The following ADAMTS16 variants were observed in gnomAD, a reference collection of about 807,000 sequenced individuals.
ADAMTS16 encodes the protein ADAM metallopeptidase with thrombospondin type 1 motif 16.
Under a neutral mutation model 145.8 loss-of-function variants are expected in ADAMTS16, and 94 were observed. The observed-to-expected ratio is 0.64, with a 90% CI of 0.55 to 0.77. ADAMTS16 has a LOEUF of 0.77. Ranked by LOEUF, ADAMTS16 falls within the 30% of genes least tolerant of loss-of-function variation. The pLI is 0.00. For synonymous variants in ADAMTS16, 659 were observed against 604.3 expected (o/e 1.09, Z -1.33); for missense variants, 1,585 against 1,591.5 (o/e 1.00, Z 0.07).
At chr5:5,148,637 A>G (rs1734365284) in intron 3 of ADAMTS16, among the ~76,000 whole-genome samples, 1 of 152,256 alleles carries the variant, frequency 6.6e-6, no homozygotes, top group Non-Finnish European at 1.5e-5. Context: ...TGTGAAAGTG[A>G]ATCATTGAGG....
At chr5:5,215,712 ATGTGG>A (rs1331525821) in intron 10 of ADAMTS16, among the ~76,000 whole-genome samples, 32 of 109,536 alleles carry the variant, frequency 2.9e-4, no homozygotes, top group African/African-American at 1.5e-3. Context: ...ATATATATAT[ATGTGG>A]TATATATATA....
intron 12 of ADAMTS16, 44 bp from the exon 13 acceptor site, chr5:5,234,970 G>T: frequency 6.8e-7 from 1 of 1,460,140 alleles, no homozygotes; most frequent in Non-Finnish European, 9.2e-7. Flanking sequence ...GAATTTAGTA[G>T]CTACTAAAAT....
rs964196510 is a variant in ADAMTS16, at chr5:5,261,761, T to C, written c.2663-896T>C. ...GGCCGCCCAAAGTATCTCTTTTTTA[T>C]TGTGGCAAAATATATGTGAAATTTG... On this transcript the variant is annotated intron_variant, in intron 17 of 22. Coordinates refer to ENST00000274181, the MANE Select transcript of ADAMTS16 (RefSeq NM_139056.4). 8.5e-5 allele frequency among the ~76,000 whole-genome samples: 13 copies of C among 152,194 alleles called. 1 individual carries two copies. The highest frequency in any genetic ancestry group is 4.1e-4 in the South Asian group (2 of 4,832).
At chr5:5,243,825 C>CT (rs1424530923) in intron 17 of ADAMTS16, among the ~76,000 whole-genome samples, 1 of 152,152 alleles carries the variant, frequency 6.6e-6, no homozygotes, top group Non-Finnish European at 1.5e-5. Context: ...TTCTCAGCTG[C>CT]TAACAGGCTA....
intron 3 of ADAMTS16, among the ~76,000 whole-genome samples, chr5:5,159,186 A>C (rs1734679975): frequency 6.6e-6 from 1 of 152,260 alleles, no homozygotes; most frequent in Non-Finnish European, 1.5e-5. Flanking sequence ...TCAGCAGGAA[A>C]ACATGAACTC....
Position 5,213,920 on chromosome 5 carries a change from G to A in ADAMTS16, c.1605+4674G>A, listed in dbSNP as rs193050154. Among the ~76,000 whole-genome samples the A allele has an allele frequency of 3.9e-4, 60 of 152,244 alleles. No homozygotes were observed. The South Asian group carries it at 4.6e-3, about 12-fold the overall frequency. On this transcript the variant is annotated intron_variant, in intron 10 of 22. Transcript: ENST00000274181. ...AGCAAAACCTAAGACAGACACCTGGGGCCCCCAGCCCAATGCAACTTTTTT... is the reference window on the plus strand; with the variant it reads ...AGCAAAACCTAAGACAGACACCTGGAGCCCCCAGCCCAATGCAACTTTTTT...
intron 18 of ADAMTS16, among the ~76,000 whole-genome samples, chr5:5,272,400 C>A (rs569796599): frequency 7.5e-6 from 1 of 133,004 alleles, no homozygotes; most frequent in Admixed American, 9.0e-5. Context: ...CTTGCTCTGT[C>A]ACCCAGGCTG....
At position 5,161,882 on chromosome 5, in the gene ADAMTS16, A is replaced by C. The variant is rs80197564; in HGVS notation, c.501+15427A>C. On this transcript the variant is annotated intron_variant, in intron 3 of 22. Transcript: ENST00000274181. ...ATAATGGCTGGGGCAGGGGACAGGGACTGTGAAAGTTTTATGCAAAGGGCA... is the reference window on the plus strand; with the variant it reads ...ATAATGGCTGGGGCAGGGGACAGGGCCTGTGAAAGTTTTATGCAAAGGGCA... 2.4e-3 allele frequency among the ~76,000 whole-genome samples: 373 copies of C among 152,274 alleles called. 2 individuals carry two copies. Among genetic ancestry groups the C allele is most frequent in the African/African-American group, 8.6e-3 (358 of 41,556 alleles).
At chr5:5,283,634 G>C (rs1739008550) in intron 18 of ADAMTS16, among the ~76,000 whole-genome samples, 1 of 152,214 alleles carries the variant, frequency 6.6e-6, no homozygotes, top group South Asian at 2.1e-4. Context: ...CAGGATCACA[G>C]AGTCACAGAG....
intron 17 of ADAMTS16, among the ~76,000 whole-genome samples, chr5:5,249,592 C>T (rs1384278068): frequency 2.0e-5 from 3 of 152,092 alleles, no homozygotes; most frequent in Non-Finnish European, 4.4e-5. Flanking sequence ...TTGCACGGGC[C>T]CTGCAGTAGC....
intron 18 of ADAMTS16, among the ~76,000 whole-genome samples, chr5:5,294,467 T>C (rs1739450190): frequency 6.6e-6 from 1 of 152,140 alleles, no homozygotes; most frequent in Non-Finnish European, 1.5e-5. Flanking sequence ...AGCCCAGACT[T>C]TTTTGGGGGA....
intron 10 of ADAMTS16, among the ~76,000 whole-genome samples, chr5:5,216,695 C>T (rs1196930064): frequency 1.4e-5 from 2 of 146,630 alleles, no homozygotes; most frequent in African/African-American, 2.5e-5. Context: ...CATGCTGGTG[C>T]GCTGCACCCA....
chr5:5,242,041 C>G lies in ADAMTS16; in HGVS notation c.2524-12C>G. ...TAATTTGTTTTATTTTTTCCCCTTT[C>G]TTATTTTGTAGCTGCTGTTTCAGGG... is the stretch of plus-strand genomic sequence containing the variant. On this transcript the variant is annotated splice_polypyrimidine_tract_variant and intron_variant, in intron 16 of 22. Transcript: ENST00000274181. 6.2e-7 allele frequency: 1 copy of G among 1,613,328 alleles called. No homozygotes were observed. Among genetic ancestry groups the G allele is most frequent in the Non-Finnish European group, 8.5e-7 (1 of 1,179,640 alleles).
chr5:5,153,897 T>C (rs1441403469), intron 3 of ADAMTS16, among the ~76,000 whole-genome samples: 1 of 152,214 alleles, frequency 6.6e-6, no homozygotes, highest in Non-Finnish European at 1.5e-5. Flanking sequence ...TTGGAATACT[T>C]GTAAATGTTG....
chr5:5,179,803 C>T (rs1056213677), intron 3 of ADAMTS16, among the ~76,000 whole-genome samples: 1 of 152,152 alleles, frequency 6.6e-6, no homozygotes, highest in Admixed American at 6.5e-5. Flanking sequence ...GTCTACCCCC[C>T]ATGGTGGTGC....
chr5:5,188,987 C>T (rs1250071651), intron 6 of ADAMTS16, among the ~76,000 whole-genome samples: 1 of 152,164 alleles, frequency 6.6e-6, no homozygotes, highest in East Asian at 1.9e-4. Flanking sequence ...TGCAGTTTTC[C>T]TGGAAATCAC....
At chr5:5,173,427 T>TA (rs1332342690) in intron 3 of ADAMTS16, among the ~76,000 whole-genome samples, 1 of 151,768 alleles carries the variant, frequency 6.6e-6, no homozygotes, top group Non-Finnish European at 1.5e-5. Flanking sequence ...CTTTTTTTTT[T>TA]ATTTGAGGTT....
At chr5:5,305,956 G>A (rs1282115137) in intron 20 of ADAMTS16, among the ~76,000 whole-genome samples, 1 of 152,218 alleles carries the variant, frequency 6.6e-6, no homozygotes, top group Non-Finnish European at 1.5e-5. Context: ...CACAAGCCAG[G>A]GTGTCTGCAA....
chr5:5,253,467 C>A (rs71596747), intron 17 of ADAMTS16, among the ~76,000 whole-genome samples: 3,204 of 152,240 alleles, frequency 0.021, 40 homozygotes, highest in Non-Finnish European at 0.032. Context: ...GGTGAGGAAG[C>A]AATCAGATAT....
Sources: allele counts gnomAD v4.1 joint callset (sites outside exome capture counted in the v4.1 genomes callset), GRCh38; gene constraint gnomAD v4.1.1; transcripts MANE v1.5; gene names NCBI Gene and HGNC (gene_info 2026-07-23, HGNC 2026-07-21).